Variants in DENND1A observed in about 807,000 individuals in gnomAD.
DENND1A encodes the protein DENN domain containing 1A, also known as DENN domain-containing protein 1A.
In DENND1A, 51 loss-of-function variants were observed where a neutral mutation model predicts 113.7. The ratio of observed to expected loss-of-function variants is 0.45; its 90% CI spans 0.36 to 0.57. The LOEUF is 0.57. DENND1A is among the 20% of genes least tolerant of loss of function. The pLI is 0.00. For missense variants in DENND1A, 1,258 were observed against 1,395.9 expected (o/e 0.90, Z 1.57); for synonymous variants, 565 against 570.8 (o/e 0.99, Z 0.14).
chr9:123,866,202 T>C (rs1845781016), intron 2 of DENND1A, among the ~76,000 whole-genome samples: 1 of 152,202 alleles, frequency 6.6e-6, no homozygotes, highest in Non-Finnish European at 1.5e-5. Flanking sequence ...CTTTAGACCA[T>C]ATTCCAGAAA....
At chr9:123,869,818 T>C (rs1253438236) in intron 2 of DENND1A, among the ~76,000 whole-genome samples, 1 of 151,414 alleles carries the variant, frequency 6.6e-6, no homozygotes, top group African/African-American at 2.4e-5. Flanking sequence ...CTGGGCAACA[T>C]GGCAAGACCC....
At chr9:123,759,106 CTTTT>C (rs1163482273) in intron 4 of DENND1A, 1 of 152,150 alleles carries the variant, frequency 6.6e-6, no homozygotes, top group African/African-American at 2.4e-5. Context: ...CGGCCAAACT[CTTTT>C]TTTAAAGTTG....
intron 10 of DENND1A, among the ~76,000 whole-genome samples, chr9:123,627,429 G>T (rs1198349413): frequency 6.6e-6 from 1 of 152,200 alleles, no homozygotes; most frequent in African/African-American, 2.4e-5. Context: ...CCAGCATCGG[G>T]AAACATCTGC....
At chr9:123,871,666 C>T (rs913335217) in intron 2 of DENND1A, among the ~76,000 whole-genome samples, 1 of 152,208 alleles carries the variant, frequency 6.6e-6, no homozygotes, top group East Asian at 1.9e-4. Context: ...CTGAGAAACT[C>T]AGCAACCAAA....
chr9:123,481,888 C>T (rs1403062077), intron 13 of DENND1A, among the ~76,000 whole-genome samples: 1 of 150,596 alleles, frequency 6.6e-6, no homozygotes, highest in Non-Finnish European at 1.5e-5. Context: ...CTCTGCCTTC[C>T]AGGTTCAGGC....
At chr9:123,718,292 C>T (rs1446294282) in intron 5 of DENND1A, among the ~76,000 whole-genome samples, 1 of 152,106 alleles carries the variant, frequency 6.6e-6, no homozygotes, top group Non-Finnish European at 1.5e-5. Flanking sequence ...AGGGTTAATA[C>T]AAAATGACAG....
intron 2 of DENND1A, among the ~76,000 whole-genome samples, chr9:123,818,174 G>A (rs574346812): frequency 4.6e-5 from 7 of 151,826 alleles, no homozygotes; most frequent in Non-Finnish European, 1.0e-4. Context: ...GCGCGATCTC[G>A]GCTCACTGCA....
chr9:123,385,502 T>C (rs1002932838), intron 22 of DENND1A, among the ~76,000 whole-genome samples: 1 of 152,136 alleles, frequency 6.6e-6, no homozygotes, highest in African/African-American at 2.4e-5. Flanking sequence ...GGGCTGGTGG[T>C]GGCCCTACGT....
chr9:123,743,088 T>C lies in DENND1A; in HGVS notation c.302+14615A>G, dbSNP rs75049878. On this transcript the variant is annotated intron_variant, in intron 5 of 23. Transcript: ENST00000394215. ...AGTACCAAAGATGTGCTATGCACTG[T>C]GCGTGGTATGTCCATTAAAAAAAAA... Among the ~76,000 whole-genome samples, 28 of 152,244 alleles carry C rather than the reference T, an allele frequency of 1.8e-4. No individual in the cohort carries two copies. The East Asian group carries it at 3.7e-3, about 20-fold the overall frequency.
chr9:123,660,974 C>T (rs1022907900), intron 8 of DENND1A, among the ~76,000 whole-genome samples: 1 of 152,202 alleles, frequency 6.6e-6, no homozygotes, highest in Non-Finnish European at 1.5e-5. Context: ...GAGATGCTTG[C>T]TAAATATCCT....
chr9:123,557,806 T>C (rs2057510442), intron 12 of DENND1A, 111 bp from the exon 13 acceptor site: 4 of 1,286,140 alleles, frequency 3.1e-6, no homozygotes, highest in Non-Finnish European at 4.3e-6. Context: ...GCAGGATCCA[T>C]TTGATACCTC....
At chr9:123,424,073 CTGGGAGAGTA>C (rs1321157972) in intron 19 of DENND1A, among the ~76,000 whole-genome samples, 4 of 152,036 alleles carry the variant, frequency 2.6e-5, no homozygotes, top group Admixed American at 1.3e-4. Flanking sequence ...TTACAGCACT[CTGGGAGAGTA>C]TAAAAAGGAA....
intron 2 of DENND1A, among the ~76,000 whole-genome samples, chr9:123,836,404 T>A (rs1841057627): frequency 6.6e-6 from 1 of 152,194 alleles, no homozygotes; most frequent in African/African-American, 2.4e-5. Flanking sequence ...GGGTATTTTA[T>A]TCACCAGACT....
At chr9:123,801,591 G>C (rs1590142638) in intron 2 of DENND1A, among the ~76,000 whole-genome samples, 1 of 152,132 alleles carries the variant, frequency 6.6e-6, no homozygotes, top group African/African-American at 2.4e-5. Context: ...ACATGCATGT[G>C]CAAATGTCTA....
chr9:123,497,507 G>C (rs766580677), intron 13 of DENND1A, among the ~76,000 whole-genome samples: 6 of 152,070 alleles, frequency 3.9e-5, no homozygotes, highest in Non-Finnish European at 8.8e-5. Flanking sequence ...AATTTTTATA[G>C]AGATGGGGTC....
chr9:123,602,852 T>G (rs56266625), intron 11 of DENND1A, among the ~76,000 whole-genome samples: 33,720 of 152,174 alleles, frequency 0.22, 4,243 homozygotes, highest in Admixed American at 0.27. Context: ...TTGTTGTTGT[T>G]GTTTTTAATT....
chr9:123,600,878 T>C (rs771070527), intron 11 of DENND1A, among the ~76,000 whole-genome samples: 7 of 151,612 alleles, frequency 4.6e-5, no homozygotes, highest in Non-Finnish European at 1.0e-4. Context: ...GTGGTGAAAC[T>C]AGAATATGAA....
chr9:123,701,125 C>G (rs537493011), intron 5 of DENND1A, among the ~76,000 whole-genome samples: 1 of 152,254 alleles, frequency 6.6e-6, no homozygotes, highest in South Asian at 2.1e-4. Context: ...TCTCTGTGCT[C>G]TTAAGTTATG....
intron 10 of DENND1A, among the ~76,000 whole-genome samples, chr9:123,620,244 G>GAAAAC (rs2060889981): frequency 8.4e-6 from 1 of 118,954 alleles, no homozygotes; most frequent in African/African-American, 3.5e-5. Context: ...AAAAAGAAAA[G>GAAAAC]AAAAAGAAAA....
Sources: allele counts gnomAD v4.1 joint callset (sites outside exome capture counted in the v4.1 genomes callset), GRCh38; gene constraint gnomAD v4.1.1; transcripts MANE v1.5; gene names NCBI Gene and HGNC (gene_info 2026-07-23, HGNC 2026-07-21).